FSD1L: variants seen among roughly 807,000 people sequenced by gnomAD.
The protein encoded by FSD1L is fibronectin type III and SPRY domain containing 1 like, also known as FSD1-like protein.
In FSD1L, 45 loss-of-function variants were observed where a neutral mutation model predicts 71.6. That is an observed-to-expected ratio of 0.63 (90% confidence interval 0.49 to 0.81). The LOEUF (loss-of-function observed/expected upper bound fraction) is 0.81, where lower values mean the gene tolerates loss of function less well. Among genes scored for constraint, FSD1L ranks in the 30% least tolerant of loss-of-function variants. The pLI is 0.00. For missense variants in FSD1L, 561 were observed against 618.1 expected, an observed-to-expected ratio of 0.91 and a Z score of 0.98; for synonymous variants, 197 against 207.2, an observed-to-expected ratio of 0.95 and a Z score of 0.42.
chr9:105,500,305 T>C (rs577953583), intron 7 of FSD1L, among the ~76,000 whole-genome samples: 2 of 152,322 alleles, frequency 1.3e-5, no homozygotes, highest in East Asian at 3.9e-4. Context: ...TGTAGCACCA[T>C]AATTAGGTCT....
chr9:105,444,100 G>A (rs1206111944), upstream of FSD1L, among the ~76,000 whole-genome samples: 3 of 152,118 alleles, frequency 2.0e-5, no homozygotes, highest in Admixed American at 1.3e-4. Flanking sequence ...GTATAACAGG[G>A]AAAGGGGGAG....
In FSD1L at chr9:105,527,746, G is replaced by A. The variant is rs555114663; in HGVS notation, c.1026-6747G>A. On this transcript the variant is annotated intron_variant, in intron 10 of 13. Coordinates refer to ENST00000481272, the MANE Select transcript of FSD1L (RefSeq NM_001145313.3). Reference sequence around the variant, plus strand: ...AAGAAAACCAGCACAAGACAAGGATGCCCTCTCTCACCACTCCTACTCAAC... The same window carrying A: ...AAGAAAACCAGCACAAGACAAGGATACCCTCTCTCACCACTCCTACTCAAC... Among the ~76,000 whole-genome samples the A allele has an allele frequency of 5.9e-5, 9 of 151,744 alleles. No individual in the cohort carries two copies. The South Asian group carries it at 1.9e-3, about 32-fold the overall frequency.
upstream of FSD1L, chr9:105,447,675 C>T (rs151306225): frequency 3.9e-3 from 636 of 164,648 alleles, 2 homozygotes; most frequent in Middle Eastern, 5.7e-3. Flanking sequence ...CAGCCCTTTT[C>T]CTCCCTTTGG....
chr9:105,547,887 C>T lies in FSD1L; in HGVS notation c.*1404C>T, dbSNP rs1205035879. Reference sequence around the variant, plus strand: ...TCATTCTCATTTAAAATATATTGTGCTATGATAACCAACCTTCTTCCAAGG... The same window carrying T: ...TCATTCTCATTTAAAATATATTGTGTTATGATAACCAACCTTCTTCCAAGG... On this transcript the variant is annotated 3_prime_UTR_variant, in exon 14 of 14. Coordinates refer to ENST00000481272, the MANE Select transcript of FSD1L (RefSeq NM_001145313.3). The T allele has an allele frequency of 1.3e-5, 2 of 151,952 alleles. No homozygotes were observed. The highest frequency in any genetic ancestry group is 3.8e-4 in the East Asian group (2 of 5,196). The allele number at this position is 151,952 out of a possible 1,614,324, so 9.4% of individuals were successfully genotyped here.
In FSD1L at chr9:105,488,244, T is replaced by G. The variant is rs139744025; in HGVS notation, c.586+3742T>G. On this transcript the variant is annotated intron_variant, in intron 7 of 13. Coordinates refer to ENST00000481272, the MANE Select transcript of FSD1L (RefSeq NM_001145313.3). The stretch of plus-strand genomic sequence containing the variant: ...TATTTACTCTCTCCATAGTTTTGCC[T>G]TTTCCAGAATCTTGTATAGTTGGAA... Among the ~76,000 whole-genome samples the G allele has an allele frequency of 5.8e-3, 886 of 152,322 alleles. 13 individuals carry two copies. The highest frequency in any genetic ancestry group is 0.02 in the African/African-American group (843 of 41,578).
chr9:105,457,425 A>G (rs1183187841), intron 1 of FSD1L, among the ~76,000 whole-genome samples: 1 of 152,226 alleles, frequency 6.6e-6, no homozygotes, highest in African/African-American at 2.4e-5. Flanking sequence ...GAGTGATGCT[A>G]TCATTACCCT....
chr9:105,529,624 T>TG (rs1835764393), intron 10 of FSD1L, among the ~76,000 whole-genome samples: 1 of 151,408 alleles, frequency 6.6e-6, no homozygotes, highest in South Asian at 2.1e-4. Context: ...CCTGTCGGGG[T>TG]GGGGGTCTAG....
At chr9:105,474,969 A>AT (rs1831698550) in intron 5 of FSD1L, among the ~76,000 whole-genome samples, 1 of 152,190 alleles carries the variant, frequency 6.6e-6, no homozygotes, top group South Asian at 2.1e-4. Flanking sequence ...TTGGTAGTAA[A>AT]TTTATGCAGA....
intron 7 of FSD1L, among the ~76,000 whole-genome samples, chr9:105,485,544 T>TG (rs1564102387): frequency 2.0e-5 from 3 of 150,444 alleles, no homozygotes; most frequent in East Asian, 1.9e-4. Context: ...TTTTTTTTTT[T>TG]TTTTTTTTTT....
At chr9:105,493,446 C>T (rs1833103706) in intron 7 of FSD1L, among the ~76,000 whole-genome samples, 1 of 151,644 alleles carries the variant, frequency 6.6e-6, no homozygotes, top group Non-Finnish European at 1.5e-5. Flanking sequence ...GGTCTTGACT[C>T]TTTATCCAAT....
intron 1 of FSD1L, among the ~76,000 whole-genome samples, chr9:105,460,204 G>C (rs900400246): frequency 6.6e-6 from 1 of 152,154 alleles, no homozygotes; most frequent in African/African-American, 2.4e-5. Flanking sequence ...CAGAAGTATG[G>C]CTATTAATAC....
chr9:105,500,328 G>C (rs1168561989), intron 7 of FSD1L, among the ~76,000 whole-genome samples: 1 of 152,168 alleles, frequency 6.6e-6, no homozygotes, highest in Non-Finnish European at 1.5e-5. Context: ...GTCTTTTGGT[G>C]AGCCTGTGCC....
At chr9:105,484,607 G>T in intron 7 of FSD1L, 105 bp downstream of exon 7, 1 of 654,190 alleles carries the variant, frequency 1.5e-6, no homozygotes, top group Non-Finnish European at 2.2e-6. Flanking sequence ...AGTATAGTGT[G>T]ATTTTTTTTT....
chr9:105,496,421 T>C (rs914985730), intron 7 of FSD1L, among the ~76,000 whole-genome samples: 7 of 152,170 alleles, frequency 4.6e-5, no homozygotes, highest in Non-Finnish European at 1.0e-4. Context: ...CTTATTGATA[T>C]CCACAAAATA....
chr9:105,521,733 C>G, intron 10 of FSD1L: 4 of 1,613,256 alleles, frequency 2.5e-6, no homozygotes, highest in Non-Finnish European at 8.5e-7. Context: ...TGATCATGTT[C>G]GAAATTCCAG....
intron 9 of FSD1L, among the ~76,000 whole-genome samples, chr9:105,510,107 G>A (rs887396231): frequency 6.6e-6 from 1 of 152,174 alleles, no homozygotes; most frequent in African/African-American, 2.4e-5. Flanking sequence ...CTGGCTTGTG[G>A]TTTTCTTCCA....
upstream of FSD1L, among the ~76,000 whole-genome samples, chr9:105,445,087 G>GA (rs936060717): frequency 1.3e-5 from 2 of 152,166 alleles, no homozygotes; most frequent in Non-Finnish European, 2.9e-5. Flanking sequence ...AAAGGCAAAG[G>GA]ACTTGCCTAT....
chr9:105,488,379 A>C (rs935208253), intron 7 of FSD1L, among the ~76,000 whole-genome samples: 5 of 152,334 alleles, frequency 3.3e-5, no homozygotes, highest in Middle Eastern at 3.4e-3. Context: ...TTAGTATGGA[A>C]TAATAGTCCA....
At position 105,450,677 on chromosome 9, in the gene FSD1L, G is replaced by A. The variant is rs531585532; in HGVS notation, c.15+2442G>A. On this transcript the variant is annotated intron_variant, in intron 1 of 13. Transcript: ENST00000481272. ...GCCTCCTGAGTAGCTGGGATTACAGGCGCCTGCCACCACCCCTGGCTAATT... is the reference window on the plus strand; with the variant it reads ...GCCTCCTGAGTAGCTGGGATTACAGACGCCTGCCACCACCCCTGGCTAATT... Among the ~76,000 whole-genome samples, 3 of 152,016 alleles carry A rather than the reference G, an allele frequency of 2.0e-5. No individual in the cohort carries two copies. In the South Asian group the frequency reaches 6.2e-4, roughly 32 times the overall value.
Sources: allele counts gnomAD v4.1 joint callset (sites outside exome capture counted in the v4.1 genomes callset), GRCh38; gene constraint gnomAD v4.1.1; transcripts MANE v1.5; gene names NCBI Gene and HGNC (gene_info 2026-07-23, HGNC 2026-07-21).